FBN1: variants seen among roughly 807,000 people sequenced by gnomAD.
FBN1 encodes fibrillin 1.
A neutral mutation model predicts 365.1 loss-of-function variants in FBN1; 29 were observed. The ratio of observed to expected loss-of-function variants is 0.08; its 90% CI spans 0.06 to 0.11. The LOEUF is 0.11. FBN1 is among the 10% of genes least tolerant of loss of function. The pLI, the probability that FBN1 is intolerant of heterozygous loss-of-function variation, is 1.00. For synonymous variants in FBN1, 1,210 were observed against 1,270.5 expected (o/e 0.95, Z 1.01); for missense variants, 2,476 against 3,703.2 (o/e 0.67, Z 8.60).
At chr15:48,471,810 A>G (rs1192818078) in intron 35 of FBN1, among the ~76,000 whole-genome samples, 3 of 152,336 alleles carry the variant, frequency 2.0e-5, no homozygotes, top group South Asian at 2.1e-4. Flanking sequence ...CTTCTTTTCA[A>G]TGAAGGAGAA....
chr15:48,496,068 G>C (rs1444523619), intron 20 of FBN1, 32 bp downstream of exon 20: 23 of 1,613,050 alleles, frequency 1.4e-5, no homozygotes, highest in Non-Finnish European at 2.0e-5. Flanking sequence ...AGATAGCAAA[G>C]TACACAGTAT....
At chr15:48,607,367 C>CATATATAT (rs10587361) in intron 4 of FBN1, among the ~76,000 whole-genome samples, 3 of 146,276 alleles carry the variant, frequency 2.1e-5, no homozygotes, top group African/African-American at 7.5e-5. Flanking sequence ...CATACATATA[C>CATATATAT]ATATATATAT....
rs760249812 is a variant in FBN1, at chr15:48,412,518, G to A, written c.8226+51C>T. The stretch of plus-strand genomic sequence containing the variant: ...CCTTGGAGGAAACCACAGGAATCTG[G>A]AAGGGCTTTCCACCACAGGAGACAT... On this transcript the variant is annotated intron_variant, in intron 65 of 65. Transcript: ENST00000316623. 1.9e-6 allele frequency: 3 copies of A among 1,593,712 alleles called. No homozygotes were observed. In the South Asian group the frequency reaches 3.3e-5, roughly 18 times the overall value.
Position 48,410,803 on chromosome 15 carries a change from A to T in FBN1, c.*187T>A, listed in dbSNP as rs923299493. 1 of 603,794 alleles carries T rather than the reference A, an allele frequency of 1.7e-6. No homozygotes were observed. 37.4% of individuals were successfully genotyped at this position (603,794 alleles called of 1,614,324 possible). A position where few individuals can be genotyped will look rare whatever the true frequency, so the allele number is the denominator to read the frequency against. On this transcript the variant is annotated 3_prime_UTR_variant, in exon 66 of 66. Transcript: ENST00000316623. ...GCTACACACATGAGAAGCCTGAGAA[A>T]GTGGTTGTTTTGAACTAGGGTAGTC...
At chr15:48,564,911 G>A (rs2044248691) in intron 6 of FBN1, among the ~76,000 whole-genome samples, 2 of 152,146 alleles carry the variant, frequency 1.3e-5, no homozygotes, top group Admixed American at 1.3e-4. Flanking sequence ...GAGGTAATGA[G>A]TTCATCACCA....
chr15:48,464,696 G>A (rs926131257), intron 40 of FBN1, among the ~76,000 whole-genome samples: 3 of 152,142 alleles, frequency 2.0e-5, no homozygotes, highest in Admixed American at 6.5e-5. Context: ...AGACAAGTAC[G>A]CTTCTTATGC....
chr15:48,603,579 T>A (rs1482965738), intron 4 of FBN1, among the ~76,000 whole-genome samples: 2 of 152,188 alleles, frequency 1.3e-5, no homozygotes, highest in African/African-American at 4.8e-5. Context: ...AAATTTATAC[T>A]GATTTGAACA....
chr15:48,600,177 A>G lies in FBN1; in HGVS notation c.404T>C (p.Leu135Pro). ...AGTCCCTATGTATCCTTTCTGGCAT[A>G]GACAGTGATCGTCACTGCAGCTACC... ...NGGSCSDDHC[L>P]CQKGYIGTHC... The change falls in exon 5 of 66, where the codon CTA (leucine) becomes CCA (proline). Residue 135 changes from leucine (L) to proline (P), a missense_variant. By Grantham distance (98) the Leu-to-Pro change is moderately conservative. This residue lies in a region of FBN1 where 421 missense variants were observed against 520.1 expected (regional missense o/e 0.81). Transcript: ENST00000316623. 1 of 1,613,988 alleles carries G rather than the reference A, an allele frequency of 6.2e-7. No individual in the cohort carries two copies. Among genetic ancestry groups the G allele is most frequent in the Non-Finnish European group, 8.5e-7 (1 of 1,179,854 alleles).
intron 44 of FBN1, among the ~76,000 whole-genome samples, chr15:48,454,059 G>C (rs1185784711): frequency 6.6e-6 from 1 of 152,198 alleles, no homozygotes; most frequent in Non-Finnish European, 1.5e-5. Flanking sequence ...TGGATTTTAT[G>C]ATTCAATAAG....
rs1429823835 is a variant in FBN1 at position 48,435,786 on chromosome 15, G to A, written c.6497-1073C>T. ...TATATGTGTATATGTGTGTGTGTGT[G>A]TGTGTGTGTGTGTGTGTGTGTGTGT... On this transcript the variant is annotated intron_variant, in intron 53 of 65. Coordinates refer to ENST00000316623, the MANE Select transcript of FBN1 (RefSeq NM_000138.5). Among the ~76,000 whole-genome samples the A allele has an allele frequency of 8.6e-3, 818 of 95,592 alleles. 7 individuals are homozygous for A. The highest frequency in any genetic ancestry group is 0.064 in the African/African-American group (783 of 12,322). 62.7% of individuals were successfully genotyped at this position (95,592 alleles called of 152,430 possible). A position where few individuals can be genotyped will look rare whatever the true frequency, so the allele number is the denominator to read the frequency against.
At chr15:48,493,465 C>T (rs911144436) in intron 23 of FBN1, among the ~76,000 whole-genome samples, 1 of 152,050 alleles carries the variant, frequency 6.6e-6, no homozygotes, top group African/African-American at 2.4e-5. Flanking sequence ...TGGAATCTAC[C>T]TTTTTGGGTT....
chr15:48,520,524 C>T, intron 10 of FBN1, 135 bp downstream of exon 10: 1 of 1,032,786 alleles, frequency 9.7e-7, no homozygotes, highest in Non-Finnish European at 1.4e-6. Flanking sequence ...GGAAATTTCC[C>T]TGGACGTCAT....
intron 6 of FBN1, among the ~76,000 whole-genome samples, chr15:48,552,615 C>T (rs1215463821): frequency 6.6e-6 from 1 of 152,050 alleles, no homozygotes; most frequent in Non-Finnish European, 1.5e-5. Context: ...TACCATATAC[C>T]TCCAAATTCA....
intron 6 of FBN1, among the ~76,000 whole-genome samples, chr15:48,572,378 G>A (rs545281968): frequency 4.5e-4 from 69 of 152,036 alleles, no homozygotes; most frequent in Non-Finnish European, 7.8e-4. Flanking sequence ...GAGGAGGTCA[G>A]AAAAAGAAAA....
chr15:48,497,191 G>A, intron 19 of FBN1, 75 bp downstream of exon 19: 3 of 1,576,604 alleles, frequency 1.9e-6, no homozygotes, highest in East Asian at 2.2e-5. Context: ...CTACTCAAAG[G>A]CAGTTTTCTC....
At chr15:48,448,064 AT>A (rs1429216662) in intron 46 of FBN1, among the ~76,000 whole-genome samples, 1 of 152,194 alleles carries the variant, frequency 6.6e-6, no homozygotes, top group Non-Finnish European at 1.5e-5. Context: ...TCTGGAGAAG[AT>A]ACAACTTTAT....
intron 2 of FBN1, among the ~76,000 whole-genome samples, chr15:48,623,966 C>A (rs1387068229): frequency 1.4e-5 from 1 of 72,018 alleles, no homozygotes; most frequent in Non-Finnish European, 3.4e-5. Context: ...CACAAAGACA[C>A]AAACACACAC....
At chr15:48,514,104 A>G (rs753818958) in intron 12 of FBN1, among the ~76,000 whole-genome samples, 5 of 152,212 alleles carry the variant, frequency 3.3e-5, no homozygotes, top group Non-Finnish European at 7.3e-5. Flanking sequence ...AGAACAAAAC[A>G]TGAAGCAACT....
chr15:48,497,355 G>C lies in FBN1; in HGVS notation c.2204C>G (p.Pro735Arg). 1 of 1,613,704 alleles carries C rather than the reference G, an allele frequency of 6.2e-7. No individual in the cohort carries two copies. The highest frequency in any genetic ancestry group is 1.7e-4 in the Middle Eastern group (1 of 6,058). ...ACGAAGGTTTTCACAGATTCCATTT[G>C]GGCAAATATCAGGATCTAGTGCACA... ...NECALDPDIC[P>R]NGICENLRGT... is the part of the protein sequence containing the mutation. Residue 735 changes from proline (P) to arginine (R), a missense_variant, in exon 19 of 66, where the codon CCA becomes CGA. Physicochemically the swap from Pro to Arg is moderately radical, Grantham distance 103 (BLOSUM62 -2). Around this residue, in one of 5 missense-constraint regions of FBN1, gnomAD observed 1,780 missense variants for 2,840.8 expected, o/e 0.63. Coordinates refer to ENST00000316623, the MANE Select transcript of FBN1 (RefSeq NM_000138.5).
Sources: gnomAD v4.1 joint callset for allele counts (sites outside exome capture counted in the v4.1 genomes callset) on GRCh38, gnomAD v4.1.1 for gene constraint, gnomAD v4.1.1 regional missense constraint, MANE v1.5 for transcripts, NCBI Gene and HGNC (gene_info 2026-07-23, HGNC 2026-07-21) for gene names.